The following ZCCHC14 variants were observed in gnomAD, a reference collection of about 807,000 sequenced individuals.
ZCCHC14 encodes the protein zinc finger CCHC domain-containing protein 14.
In ZCCHC14, 16 loss-of-function variants were observed where a neutral mutation model predicts 85.0. The observed-to-expected ratio is 0.19, with a 90% CI of 0.13 to 0.29. The LOEUF (loss-of-function observed/expected upper bound fraction) is 0.29. Among genes scored for constraint, ZCCHC14 ranks in the 10% least tolerant of loss-of-function variants. The probability of loss-of-function intolerance (pLI) is 1.00; values close to 1 mark genes in which losing one functional copy is unlikely to be tolerated. For missense variants in ZCCHC14, 1,303 were observed against 1,443.5 expected, an observed-to-expected ratio of 0.90 and a Z score of 1.58; for synonymous variants, 775 against 630.7, an observed-to-expected ratio of 1.23 and a Z score of -3.43.
intron 2 of ZCCHC14, among the ~76,000 whole-genome samples, chr16:87,442,386 G>C (rs903593611): frequency 6.6e-6 from 1 of 152,136 alleles, no homozygotes; most frequent in Non-Finnish European, 1.5e-5. Context: ...TCAGAGTCTC[G>C]TATCATACTA....
At chr16:87,421,693 G>A (rs1253495863) in intron 4 of ZCCHC14, among the ~76,000 whole-genome samples, 3 of 152,118 alleles carry the variant, frequency 2.0e-5, no homozygotes, top group Admixed American at 6.5e-5. Context: ...GAAGCAAAAC[G>A]GCGGAGAAGA....
chr16:87,453,882 G>A (rs1217294596), intron 2 of ZCCHC14, among the ~76,000 whole-genome samples: 2 of 152,180 alleles, frequency 1.3e-5, no homozygotes, highest in East Asian at 3.8e-4. Flanking sequence ...TTTGAAAGCA[G>A]CTATTATAAT....
chr16:87,440,711 AT>A (rs563573860), intron 2 of ZCCHC14, among the ~76,000 whole-genome samples: 274 of 151,792 alleles, frequency 1.8e-3, no homozygotes, highest in African/African-American at 6.2e-3. Context: ...GGTCCAAGTG[AT>A]CCACCCACCT....
At chr16:87,416,648 C>T (rs2048973601) in intron 8 of ZCCHC14, among the ~76,000 whole-genome samples, 1 of 152,026 alleles carries the variant, frequency 6.6e-6, no homozygotes, top group African/African-American at 2.4e-5. Context: ...CCCAGCTATT[C>T]AGGAGGCTGA....
chr16:87,433,005 A>C, intron 3 of ZCCHC14, 123 bp downstream of exon 3: 1 of 1,008,446 alleles, frequency 9.9e-7, no homozygotes, highest in Admixed American at 2.5e-5. Context: ...CCAGCTTCCT[A>C]TACAGCACTG....
At chr16:87,421,755 C>G (rs1341594676) in intron 4 of ZCCHC14, among the ~76,000 whole-genome samples, 1 of 152,138 alleles carries the variant, frequency 6.6e-6, no homozygotes, top group East Asian at 1.9e-4. Flanking sequence ...CTGAGGGTAA[C>G]AGAGGCAGCA....
chr16:87,423,720 G>C, intron 4 of ZCCHC14, 90 bp downstream of exon 4: 1 of 1,441,872 alleles, frequency 6.9e-7, no homozygotes, highest in East Asian at 2.3e-5. Flanking sequence ...GCTAGCTGAA[G>C]GGAGTGGCCT....
chr16:87,463,829 G>A (rs1239076048), intron 1 of ZCCHC14, among the ~76,000 whole-genome samples: 4 of 150,538 alleles, frequency 2.7e-5, no homozygotes, highest in Non-Finnish European at 4.4e-5. Context: ...CGTCTCAGGA[G>A]AAAAAAAAAC....
chr16:87,439,507 A>G (rs1910085893), intron 2 of ZCCHC14, among the ~76,000 whole-genome samples: 1 of 152,232 alleles, frequency 6.6e-6, no homozygotes, highest in African/African-American at 2.4e-5. Flanking sequence ...TGCGATTTCC[A>G]AAGTAAAGCA....
intron 8 of ZCCHC14, 30 bp from the exon 9 acceptor site, chr16:87,415,397 A>G: frequency 6.3e-7 from 1 of 1,591,484 alleles, no homozygotes; most frequent in Non-Finnish European, 8.6e-7. Context: ...TTACAAAGTT[A>G]CGGAGACATA....
At position 87,492,278 on chromosome 16, in the gene ZCCHC14, C is replaced by T; in HGVS notation, c.-40G>A. 2.0e-6 allele frequency: 2 copies of T among 976,286 alleles called. No individual in the cohort carries two copies. Among genetic ancestry groups the T allele is most frequent in the Non-Finnish European group, 2.4e-6 (2 of 825,396 alleles). The allele number at this position is 976,286 out of a possible 1,614,324, so 60.5% of individuals were successfully genotyped here. A position where few individuals can be genotyped will look rare whatever the true frequency, so the allele number is the denominator to read the frequency against. On this transcript the variant is annotated 5_prime_UTR_variant, in exon 1 of 13. Transcript: ENST00000671377. The surrounding 1 kb of genome is among the most constrained non-coding windows in gnomAD (Gnocchi z 6.7). ...CGCGCCGCGACCCGGGGCCGGGGAC[C>T]GCGCGGGGGCGGCCGGGGGGCGCCG...
At chr16:87,461,821 T>C (rs1395007476) in intron 1 of ZCCHC14, among the ~76,000 whole-genome samples, 1 of 152,162 alleles carries the variant, frequency 6.6e-6, no homozygotes, top group Admixed American at 6.5e-5. Flanking sequence ...GATCCTCTGA[T>C]CCCAGCTCTG....
intron 2 of ZCCHC14, among the ~76,000 whole-genome samples, chr16:87,433,579 A>G (rs1440265649): frequency 6.6e-6 from 1 of 152,238 alleles, no homozygotes; most frequent in Admixed American, 6.5e-5. Context: ...CTGAAAAGGT[A>G]ATGCTCAGCA....
chr16:87,446,161 C>G (rs1910426271), intron 2 of ZCCHC14, among the ~76,000 whole-genome samples: 1 of 148,346 alleles, frequency 6.7e-6, no homozygotes, highest in South Asian at 2.1e-4. Context: ...GAGCAAAACT[C>G]CGTCTCAAAA....
chr16:87,449,582 G>T (rs74038786), intron 2 of ZCCHC14, among the ~76,000 whole-genome samples: 15 of 152,026 alleles, frequency 9.9e-5, no homozygotes, highest in African/African-American at 3.1e-4. Context: ...AAGAAAACCA[G>T]TAGTTTTCCG....
chr16:87,459,489 C>A (rs1911147500), intron 2 of ZCCHC14, among the ~76,000 whole-genome samples: 1 of 150,766 alleles, frequency 6.6e-6, no homozygotes, highest in Non-Finnish European at 1.5e-5. Flanking sequence ...GGATTACAAG[C>A]GTGCACCACC....
rs143661294 is a variant in ZCCHC14, at chr16:87,433,184, C to T, written c.712G>A (p.Asp238Asn). 141 of 1,613,988 alleles carry T rather than the reference C, an allele frequency of 8.7e-5. No individual in the cohort carries two copies. The highest frequency in any genetic ancestry group is 1.1e-4 in the Non-Finnish European group (128 of 1,180,010). Residue 238 changes from aspartate (D) to asparagine (N), a missense_variant, in exon 3 of 13, where the codon GAC (aspartate) becomes AAC (asparagine). Asp to Asn is a conservative substitution (Grantham distance 23, BLOSUM62 1). This residue lies in a region of ZCCHC14 where 389 missense variants were observed against 397.8 expected (regional missense o/e 0.98). Coordinates refer to ENST00000671377, the MANE Select transcript of ZCCHC14 (RefSeq NM_015144.3). ...KHSKVSVEKI[D>N]LKGLSHTKND... ...TTTGTGTGTGATAATCCCTTCAGGT[C>T]TATCTTTTCAACACTCACTGTAAAA...
At position 87,420,316 on chromosome 16, in the gene ZCCHC14, G is replaced by T. The variant is rs150483336; in HGVS notation, c.950+291C>A. ...TTATCTGGGAATAGTCTCAACCTTG[G>T]ACTACAGGATGGAAACAGCAGCCCA... On this transcript the variant is annotated intron_variant, in intron 5 of 12. Transcript: ENST00000671377. This position sits in a 1 kb window ranked among gnomAD's most constrained non-coding sequence, Gnocchi z 5.0. Among the ~76,000 whole-genome samples, 282 of 152,340 alleles carry T rather than the reference G, an allele frequency of 1.9e-3. 3 individuals carry two copies. Among genetic ancestry groups the T allele is most frequent in the Non-Finnish European group, 1.3e-4 (9 of 68,036 alleles).
intron 9 of ZCCHC14, 84 bp downstream of exon 9, chr16:87,415,192 A>G: frequency 5.2e-6 from 6 of 1,160,078 alleles, no homozygotes; most frequent in Non-Finnish European, 5.2e-6. Context: ...AATCACTAGT[A>G]TTTAGCACTG....
Sources: allele counts gnomAD v4.1 joint callset (sites outside exome capture counted in the v4.1 genomes callset), GRCh38; gene constraint gnomAD v4.1.1; regional missense constraint gnomAD v4.1.1; non-coding constraint Gnocchi (gnomAD v3.1); transcripts MANE v1.5; gene names NCBI Gene and HGNC (gene_info 2026-07-23, HGNC 2026-07-21).